NECAB2: variants seen among roughly 807,000 people sequenced by gnomAD.
NECAB2 encodes N-terminal EF-hand calcium binding protein 2.
In NECAB2, 68 loss-of-function variants were observed where a neutral mutation model predicts 51.9. The observed-to-expected ratio is 1.31, with a 90% confidence interval of 1.08 to 1.60. The LOEUF is 1.60. Among genes scored for constraint, NECAB2 ranks in the 40% most tolerant of loss-of-function variants. The pLI, the probability that NECAB2 is intolerant of heterozygous loss-of-function variation, is 0.00. For missense variants in NECAB2, 854 were observed against 490.3 expected, an observed-to-expected ratio of 1.74 and a Z score of -7.00; for synonymous variants, 329 against 203.5, an observed-to-expected ratio of 1.62 and a Z score of -5.25.
upstream of NECAB2, chr16:83,965,180 T>C: frequency 1.2e-6 from 2 of 1,613,102 alleles, no homozygotes; most frequent in Non-Finnish European, 1.7e-6. Context: ...AGCCGTGGAG[T>C]GGGGGACCCC....
rs1221808793 is a variant in NECAB2, at chr16:84,000,655, C to T, written c.963-69C>T. On this transcript the variant is annotated intron_variant, in intron 10 of 12. Transcript: ENST00000305202. ...TATAGTGGTGGGTCTCAGGCCACCCCAGGGGAACAGCACTGAGGTGGCCTT... is the reference window on the plus strand; with the variant it reads ...TATAGTGGTGGGTCTCAGGCCACCCTAGGGGAACAGCACTGAGGTGGCCTT... 2.3e-5 allele frequency: 33 copies of T among 1,425,332 alleles called. No homozygotes were observed. The South Asian group carries it at 2.8e-4, about 12-fold the overall frequency. The allele number at this position is 1,425,332 out of a possible 1,614,324, so 88.3% of individuals were successfully genotyped here. A position where few individuals can be genotyped will look rare whatever the true frequency, so the allele number is the denominator to read the frequency against.
At chr16:83,991,328 T>G (rs1212922184) in intron 6 of NECAB2, among the ~76,000 whole-genome samples, 5 of 151,672 alleles carry the variant, frequency 3.3e-5, no homozygotes, top group Admixed American at 3.3e-4. Flanking sequence ...TTTCTCTCAT[T>G]CGTTCTTTTT....
chr16:83,991,284 A>C (rs556391126), intron 6 of NECAB2, among the ~76,000 whole-genome samples: 2 of 146,062 alleles, frequency 1.4e-5, no homozygotes, highest in African/African-American at 5.2e-5. Context: ...CAGCTAGCCT[A>C]TTTTCTCTTT....
chr16:83,992,696 G>C (rs1045381247), intron 6 of NECAB2, among the ~76,000 whole-genome samples: 1 of 152,110 alleles, frequency 6.6e-6, no homozygotes, highest in African/African-American at 2.4e-5. Context: ...TTTGATCTGA[G>C]CATTTGCGCT....
At chr16:83,994,500 G>C in intron 7 of NECAB2, 80 bp downstream of exon 7, 1 of 1,590,674 alleles carries the variant, frequency 6.3e-7, no homozygotes, top group Non-Finnish European at 8.6e-7. Context: ...CAGGGACTGG[G>C]GAGATGAGCA....
At chr16:84,001,703 C>T (rs1401994416) in intron 11 of NECAB2, 122 bp from the exon 12 acceptor site, 33 of 1,038,084 alleles carry the variant, frequency 3.2e-5, no homozygotes, top group Admixed American at 4.2e-5. Context: ...GCTCTGAGTC[C>T]AAAGACCCCC....
intron 12 of NECAB2, 114 bp from the exon 13 acceptor site, chr16:84,002,204 T>G: frequency 2.3e-6 from 3 of 1,325,216 alleles, no homozygotes; most frequent in South Asian, 2.4e-5. Flanking sequence ...AGGACCTGTG[T>G]GTCACACAAG....
At chr16:83,997,154 C>G (rs1297752894) in intron 8 of NECAB2, 62 bp from the exon 9 acceptor site, 2 of 1,606,946 alleles carry the variant, frequency 1.2e-6, no homozygotes, top group Admixed American at 3.3e-5. Flanking sequence ...CCCAGAGCTC[C>G]TGGCTCCCCG....
At chr16:83,999,522 C>G (rs536546618) in intron 10 of NECAB2, among the ~76,000 whole-genome samples, 1 of 152,066 alleles carries the variant, frequency 6.6e-6, no homozygotes, top group African/African-American at 2.4e-5. Flanking sequence ...GTGTGTCCAC[C>G]CCAAGATGGA....
upstream of NECAB2, chr16:83,965,913 C>A (rs754200039): frequency 6.2e-7 from 1 of 1,612,796 alleles, no homozygotes; most frequent in East Asian, 2.2e-5. Context: ...GCCATGGGGC[C>A]GCTGGCCGGG....
intron 2 of NECAB2, among the ~76,000 whole-genome samples, chr16:83,977,041 C>T (rs754651321): frequency 3.3e-5 from 5 of 152,358 alleles, no homozygotes; most frequent in African/African-American, 4.8e-5. Flanking sequence ...GGCTGCAATC[C>T]GCTTTCAACA....
At position 83,994,299 on chromosome 16, in the gene NECAB2, C is replaced by T. The variant is rs757067665; in HGVS notation, c.597-3C>T. On this transcript the variant is annotated splice_region_variant and splice_polypyrimidine_tract_variant and intron_variant, in intron 6 of 12. Coordinates refer to ENST00000305202, the MANE Select transcript of NECAB2 (RefSeq NM_019065.3). ...TCTGTGTGTGTTCCCATCCAAACTG[C>T]AGACAGAACCACATCAAACCCAGCC... The T allele has an allele frequency of 7.1e-5, 114 of 1,613,972 alleles. No individual in the cohort carries two copies. Among genetic ancestry groups the T allele is most frequent in the Non-Finnish European group, 9.0e-5 (106 of 1,179,936 alleles).
intron 8 of NECAB2, among the ~76,000 whole-genome samples, chr16:83,996,902 T>G (rs551695431): frequency 2.6e-5 from 4 of 152,052 alleles, no homozygotes; most frequent in African/African-American, 4.8e-5. Flanking sequence ...GGGTTATGAT[T>G]TGGGGTGAAT....
intron 3 of NECAB2, 129 bp from the exon 4 acceptor site, chr16:83,980,710 C>T (rs752182953): frequency 1.0e-4 from 130 of 1,274,020 alleles, no homozygotes; most frequent in South Asian, 5.8e-4. Flanking sequence ...TTCTGTAAGG[C>T]GGAGCTTGTG....
intron 2 of NECAB2, among the ~76,000 whole-genome samples, chr16:83,974,650 A>G (rs2084385163): frequency 6.6e-6 from 1 of 152,182 alleles, no homozygotes; most frequent in African/African-American, 2.4e-5. Flanking sequence ...AGGCTCGGAG[A>G]TGGCACGTGA....
chr16:83,981,223 C>T (rs2084485629), intron 5 of NECAB2, 96 bp downstream of exon 5: 1 of 1,102,336 alleles, frequency 9.1e-7, no homozygotes, highest in Non-Finnish European at 1.4e-6. Flanking sequence ...AGACAGGCCG[C>T]CAGGGAGGCC....
chr16:83,985,503 G>T (rs1185965958), intron 5 of NECAB2, among the ~76,000 whole-genome samples: 1 of 150,826 alleles, frequency 6.6e-6, no homozygotes, highest in Non-Finnish European at 1.5e-5. Context: ...CGTGGTGGCA[G>T]TTGTGTGTAA....
chr16:83,986,939 C>G (rs1017258206), intron 5 of NECAB2, among the ~76,000 whole-genome samples: 1 of 152,118 alleles, frequency 6.6e-6, no homozygotes, highest in African/African-American at 2.4e-5. Flanking sequence ...GTACAATGTT[C>G]AATATGTGGG....
At chr16:83,968,181 C>G (rs1286647048), upstream of NECAB2, among the ~76,000 whole-genome samples, 2 of 151,344 alleles carry the variant, frequency 1.3e-5, no homozygotes, top group African/African-American at 4.9e-5. Flanking sequence ...GGCGTGGGCG[C>G]CGCTCCCCGG....
Sources: allele counts gnomAD v4.1 joint callset (sites outside exome capture counted in the v4.1 genomes callset), GRCh38; gene constraint gnomAD v4.1.1; transcripts MANE v1.5; gene names NCBI Gene and HGNC (gene_info 2026-07-23, HGNC 2026-07-21).